Variants in STON2 observed in about 807,000 individuals in gnomAD.
The protein encoded by STON2 is stonin 2.
In STON2, 29 loss-of-function variants were observed where a neutral mutation model predicts 65.7. The observed-to-expected ratio is 0.44, with a 90% confidence interval of 0.33 to 0.60. The LOEUF is 0.60. STON2 is among the 20% of genes least tolerant of loss of function. The probability of loss-of-function intolerance (pLI) is 0.03; values close to 1 mark genes in which losing one functional copy is unlikely to be tolerated. For missense variants in STON2, 1,054 were observed against 1,118.1 expected (o/e 0.94, Z 0.82); for synonymous variants, 404 against 414.2 (o/e 0.98, Z 0.30).
chr14:81,406,656 T>C (rs1298049579), intron 2 of STON2, among the ~76,000 whole-genome samples: 1 of 152,182 alleles, frequency 6.6e-6, no homozygotes, highest in Non-Finnish European at 1.5e-5. Context: ...CTTGGTTGGA[T>C]GCTTGAGATG....
At chr14:81,417,273 C>T (rs906285260) in intron 2 of STON2, among the ~76,000 whole-genome samples, 4 of 151,868 alleles carry the variant, frequency 2.6e-5, no homozygotes, top group Non-Finnish European at 4.4e-5. Flanking sequence ...AGCTATTCAC[C>T]GCCCCGCCCC....
upstream of STON2, among the ~76,000 whole-genome samples, chr14:81,402,352 A>G (rs1196730972): frequency 6.6e-6 from 1 of 152,206 alleles, no homozygotes; most frequent in Admixed American, 6.5e-5. Flanking sequence ...AGAACAAAAC[A>G]GCATCTCTGC....
chr14:81,426,405 C>T lies in STON2; in HGVS notation c.-199+697G>A, dbSNP rs191990728. Among the ~76,000 whole-genome samples, 3 of 152,284 alleles carry T rather than the reference C, an allele frequency of 2.0e-5. No homozygotes were observed. The East Asian group carries it at 5.8e-4, about 29-fold the overall frequency. ...CATGTCCCCTGATTCAACCCTAGGA[C>T]CCCTTCTCCAGCTGTTAAATACCTT... On this transcript the variant is annotated intron_variant, in intron 2 of 8. Coordinates refer to the STON2 transcript ENST00000553821.
intron 3 of STON2, among the ~76,000 whole-genome samples, chr14:81,390,479 A>T (rs1900027718): frequency 6.6e-6 from 1 of 152,120 alleles, no homozygotes; most frequent in South Asian, 2.1e-4. Flanking sequence ...TGACATGCAC[A>T]CATCTCCTTA....
Position 81,267,350 on chromosome 14 carries a change from TTA to T in STON2, c.*1062_*1063del, listed in dbSNP as rs1894396947. On this transcript the variant is annotated 3_prime_UTR_variant, in exon 8 of 8. Coordinates refer to ENST00000614646, the MANE Select transcript of STON2 (RefSeq NM_001394390.1). ...TTTTCAATCCAATCCAATACTGTGA[TTA>T]TCAAACTCTGAATTTTGGGGGAAAG... 1.0e-6 allele frequency: 1 copy of T among 985,272 alleles called. No individual in the cohort carries two copies. 61.0% of individuals were successfully genotyped at this position (985,272 alleles called of 1,614,324 possible).
At chr14:81,368,196 T>G (rs1898825704) in intron 4 of STON2, among the ~76,000 whole-genome samples, 1 of 152,160 alleles carries the variant, frequency 6.6e-6, no homozygotes, top group African/African-American at 2.4e-5. Flanking sequence ...GTTTGGGAAC[T>G]GGCTGGAAAA....
chr14:81,265,247 A>T lies in STON2; in HGVS notation c.*3167T>A. On this transcript the variant is annotated 3_prime_UTR_variant, in exon 8 of 8. Transcript: ENST00000614646. Reference sequence around the variant, plus strand: ...AGTAAAACACTCATTACGTCTAAAAATATATAGTATTATTATCCCCAAACC... The same window carrying T: ...AGTAAAACACTCATTACGTCTAAAATTATATAGTATTATTATCCCCAAACC... 2 of 984,150 alleles carry T rather than the reference A, an allele frequency of 2.0e-6. No individual in the cohort carries two copies. 61.0% of individuals were successfully genotyped at this position (984,150 alleles called of 1,614,324 possible). A position where few individuals can be genotyped will look rare whatever the true frequency, so the allele number is the denominator to read the frequency against.
At chr14:81,301,004 T>G (rs1895948535) in intron 5 of STON2, among the ~76,000 whole-genome samples, 3 of 152,092 alleles carry the variant, frequency 2.0e-5, no homozygotes, top group Admixed American at 2.0e-4. Context: ...GCAATAAAAA[T>G]AAAATGACCA....
chr14:81,392,999 G>A (rs368052020), intron 3 of STON2, among the ~76,000 whole-genome samples: 30 of 152,164 alleles, frequency 2.0e-4, no homozygotes, highest in African/African-American at 7.0e-4. Flanking sequence ...TAACCCCAAA[G>A]ACGCCTTGAA....
At chr14:81,342,250 T>C (rs1203548851) in intron 4 of STON2, among the ~76,000 whole-genome samples, 1 of 152,040 alleles carries the variant, frequency 6.6e-6, no homozygotes, top group Non-Finnish European at 1.5e-5. Flanking sequence ...TTCTCCTGCC[T>C]TAGCCTCCTG....
chr14:81,291,963 T>C (rs1441143263), intron 5 of STON2, among the ~76,000 whole-genome samples: 1 of 151,900 alleles, frequency 6.6e-6, no homozygotes, highest in African/African-American at 2.4e-5. Context: ...AAAATGGCCC[T>C]GGTTGTCAGT....
intron 4 of STON2, among the ~76,000 whole-genome samples, chr14:81,364,869 G>A (rs1397955826): frequency 6.6e-6 from 1 of 152,026 alleles, no homozygotes; most frequent in Non-Finnish European, 1.5e-5. Flanking sequence ...CCACCCGTAT[G>A]GTAAATCCAC....
At chr14:81,270,089 ACT>A in intron 7 of STON2, 2 of 970,314 alleles carry the variant, frequency 2.1e-6, no homozygotes, top group South Asian at 9.6e-5. Flanking sequence ...TTACCCCATT[ACT>A]CTTTTTCTTT....
At chr14:81,325,641 A>C (rs1896980400) in intron 4 of STON2, among the ~76,000 whole-genome samples, 1 of 152,226 alleles carries the variant, frequency 6.6e-6, no homozygotes, top group Non-Finnish European at 1.5e-5. Flanking sequence ...TACCCTCTTA[A>C]AAACAACATA....
intron 4 of STON2, among the ~76,000 whole-genome samples, chr14:81,355,437 T>C (rs1460215727): frequency 6.6e-6 from 1 of 152,052 alleles, no homozygotes; most frequent in Non-Finnish European, 1.5e-5. Flanking sequence ...AATACAACTA[T>C]AATCAATTTC....
chr14:81,426,046 A>G (rs1209901038), intron 2 of STON2, among the ~76,000 whole-genome samples: 1 of 152,230 alleles, frequency 6.6e-6, no homozygotes, highest in East Asian at 1.9e-4. Flanking sequence ...TTCAAGACAT[A>G]AAGTGGTGAA....
chr14:81,406,011 G>C (rs927328340), intron 2 of STON2, among the ~76,000 whole-genome samples: 2 of 152,160 alleles, frequency 1.3e-5, no homozygotes, highest in Non-Finnish European at 2.9e-5. Flanking sequence ...TTTCTCCCAT[G>C]CTGGATGCTT....
intron 4 of STON2, among the ~76,000 whole-genome samples, chr14:81,351,469 T>G (rs1007432254): frequency 6.6e-6 from 1 of 152,150 alleles, no homozygotes; most frequent in African/African-American, 2.4e-5. Context: ...GATAGCTTAC[T>G]TTGAATTTTT....
Position 81,306,220 on chromosome 14 carries a change from C to CTA in STON2, c.742+17796_742+17797insTA, listed in dbSNP as rs1555397665. On this transcript the variant is annotated intron_variant, in intron 5 of 7. Coordinates refer to ENST00000614646, the MANE Select transcript of STON2 (RefSeq NM_001394390.1). ...TTATATATACACACACATACATACT[C>CTA]TTTTTTTTTTTTTTTTTTTTTTTTT... is the stretch of plus-strand genomic sequence containing the variant. 2.4e-3 allele frequency among the ~76,000 whole-genome samples: 166 copies of CTA among 69,502 alleles called. 38 individuals are homozygous for CTA. Among genetic ancestry groups the CTA allele is most frequent in the Admixed American group, 3.8e-3 (17 of 4,498 alleles). The allele number at this position is 69,502 out of a possible 152,430, so 45.6% of individuals were successfully genotyped here. A position where few individuals can be genotyped will look rare whatever the true frequency, so the allele number is the denominator to read the frequency against.
Sources: gnomAD v4.1 joint callset for allele counts (sites outside exome capture counted in the v4.1 genomes callset) on GRCh38, gnomAD v4.1.1 for gene constraint, MANE v1.5 for transcripts, NCBI Gene and HGNC (gene_info 2026-07-23, HGNC 2026-07-21) for gene names.